HEMK2: variants seen among roughly 807,000 people sequenced by gnomAD.
HEMK2 encodes the protein methyltransferase HEMK2.
the HEMK2 span, among the ~76,000 whole-genome samples, chr21:28,828,985 G>A: frequency 6.6e-6 from 1 of 152,182 alleles, no homozygotes; most frequent in Non-Finnish European, 1.5e-5. Flanking sequence ...TAATAGACCT[G>A]CATTCCTTTA....
chr21:28,576,342 T>C, the HEMK2 span, among the ~76,000 whole-genome samples: 1 of 152,214 alleles, frequency 6.6e-6, no homozygotes, highest in African/African-American at 2.4e-5. Flanking sequence ...ATTAATGATA[T>C]TGACTACCTT....
chr21:28,719,381 T>G, the HEMK2 span, among the ~76,000 whole-genome samples: 1 of 152,194 alleles, frequency 6.6e-6, no homozygotes, highest in Non-Finnish European at 1.5e-5. Flanking sequence ...TCCCCCATAC[T>G]GTTTTTGTGG....
chr21:28,870,462 C>T, the HEMK2 span, among the ~76,000 whole-genome samples: 1 of 152,086 alleles, frequency 6.6e-6, no homozygotes, highest in Non-Finnish European at 1.5e-5. Flanking sequence ...GGTGCAATGG[C>T]ATGATCTCAG....
the HEMK2 span, among the ~76,000 whole-genome samples, chr21:28,615,384 C>T: frequency 2.6e-5 from 4 of 151,398 alleles, no homozygotes; most frequent in African/African-American, 9.7e-5. Context: ...CTCTCTGTCT[C>T]TCTGTCTCTG....
the HEMK2 span, among the ~76,000 whole-genome samples, chr21:28,860,161 G>GATTAAAAT: frequency 6.6e-6 from 1 of 152,134 alleles, no homozygotes; most frequent in African/African-American, 2.4e-5. Flanking sequence ...TAAAATTTGA[G>GATTAAAAT]TCACTGGGCT....
At chr21:28,814,691 A>T in the HEMK2 span, among the ~76,000 whole-genome samples, 3 of 152,330 alleles carry the variant, frequency 2.0e-5, no homozygotes, top group East Asian at 3.9e-4. Context: ...ATACCATCTC[A>T]CACCAGTTAG....
chr21:28,613,786 A>G, the HEMK2 span, among the ~76,000 whole-genome samples: 1 of 152,138 alleles, frequency 6.6e-6, no homozygotes, highest in African/African-American at 2.4e-5. Context: ...TTTAAAAGAA[A>G]AAAAAAGAAA....
chr21:28,847,517 T>C, the HEMK2 span, among the ~76,000 whole-genome samples: 9 of 152,134 alleles, frequency 5.9e-5, no homozygotes, highest in Non-Finnish European at 8.8e-5. Flanking sequence ...TTCTGGATAT[T>C]AGATATTTTT....
At chr21:28,713,695 C>A in the HEMK2 span, among the ~76,000 whole-genome samples, 51 of 152,318 alleles carry the variant, frequency 3.3e-4, no homozygotes, top group South Asian at 1.0e-3. Flanking sequence ...TTGTAACCTT[C>A]TGCGCTTTTC....
the HEMK2 span, among the ~76,000 whole-genome samples, chr21:28,643,988 A>G: frequency 0.032 from 4,869 of 152,300 alleles, 93 homozygotes; most frequent in African/African-American, 0.053. Flanking sequence ...TCCATGGGCC[A>G]AGACTCGAAG....
the HEMK2 span, among the ~76,000 whole-genome samples, chr21:28,595,704 T>C: frequency 6.6e-6 from 1 of 152,192 alleles, no homozygotes; most frequent in African/African-American, 2.4e-5. Context: ...GCAGTGGGAT[T>C]GCTACATTGT....
At chr21:28,772,610 T>C in the HEMK2 span, among the ~76,000 whole-genome samples, 1 of 152,190 alleles carries the variant, frequency 6.6e-6, no homozygotes, top group African/African-American at 2.4e-5. Flanking sequence ...AATTATAGCG[T>C]TTTGGCAAGT....
the HEMK2 span, among the ~76,000 whole-genome samples, chr21:28,789,807 T>C: frequency 1.3e-5 from 2 of 152,218 alleles, no homozygotes; most frequent in Non-Finnish European, 2.9e-5. Flanking sequence ...AGGCCCTGCT[T>C]AGGGCTAGTA....
the HEMK2 span, among the ~76,000 whole-genome samples, chr21:28,675,597 A>T: frequency 1.3e-5 from 2 of 152,212 alleles, no homozygotes; most frequent in Admixed American, 1.3e-4. Context: ...AACTATAAGG[A>T]TTGATGATGC....
the HEMK2 span, among the ~76,000 whole-genome samples, chr21:28,756,923 T>C: frequency 6.6e-6 from 1 of 152,242 alleles, no homozygotes; most frequent in African/African-American, 2.4e-5. Context: ...TATTTTCTAC[T>C]TATGGTAAAT....
At chr21:28,656,599 TA>T in the HEMK2 span, among the ~76,000 whole-genome samples, 1,177 of 152,028 alleles carry the variant, frequency 7.7e-3, 24 homozygotes, top group African/African-American at 0.027. Flanking sequence ...ATCCTACTAC[TA>T]AAACCATCTT....
the HEMK2 span, among the ~76,000 whole-genome samples, chr21:28,677,050 G>A: frequency 3.3e-5 from 5 of 152,290 alleles, no homozygotes; most frequent in East Asian, 9.7e-4. Context: ...GAAAGTGGGT[G>A]CAGGACAGTG....
At chr21:28,859,984 A>G in the HEMK2 span, among the ~76,000 whole-genome samples, 1 of 152,222 alleles carries the variant, frequency 6.6e-6, no homozygotes, top group Non-Finnish European at 1.5e-5. Context: ...ATTGGACCTT[A>G]TTATTGTCTT....
chr21:28,725,648 C>G, the HEMK2 span, among the ~76,000 whole-genome samples: 1 of 152,218 alleles, frequency 6.6e-6, no homozygotes, highest in African/African-American at 2.4e-5. Context: ...GACTCAGACC[C>G]CAGTTACTGT....
Sources: allele counts gnomAD v4.1 joint callset (sites outside exome capture counted in the v4.1 genomes callset), GRCh38; gene constraint gnomAD v4.1.1; transcripts MANE v1.5; gene names NCBI Gene and HGNC (gene_info 2026-07-23, HGNC 2026-07-21).